The following RAB11FIP4 variants were observed in gnomAD, a reference collection of about 807,000 sequenced individuals.
The protein encoded by RAB11FIP4 is rab11 family-interacting protein 4.
In RAB11FIP4, 23 loss-of-function variants were observed where a neutral mutation model predicts 74.3. The ratio of observed to expected loss-of-function variants is 0.31; its 90% confidence interval spans 0.22 to 0.44. The LOEUF (loss-of-function observed/expected upper bound fraction) is 0.44, where lower values mean the gene tolerates loss of function less well. RAB11FIP4 is among the 20% of genes least tolerant of loss of function. The pLI, the probability that RAB11FIP4 is intolerant of heterozygous loss-of-function variation, is 1.00. For synonymous variants in RAB11FIP4, 360 were observed against 359.9 expected, an observed-to-expected ratio of 1.00 and a Z score of 0.00; for missense variants, 630 against 863.9, an observed-to-expected ratio of 0.73 and a Z score of 3.39.
intron 3 of RAB11FIP4, chr17:31,488,466 TC>T: frequency 1.8e-6 from 1 of 548,320 alleles, no homozygotes; most frequent in Non-Finnish European, 2.4e-6. Flanking sequence ...CCAGCGCAGT[TC>T]CAGGAAGTGC....
At position 31,503,268 on chromosome 17, in the gene RAB11FIP4, A is replaced by G. The variant is rs947419357; in HGVS notation, c.337-14383A>G. Among the ~76,000 whole-genome samples the G allele has an allele frequency of 4.5e-4, 67 of 148,652 alleles. 7 individuals carry two copies. Among genetic ancestry groups the G allele is most frequent in the African/African-American group, 1.7e-3 (64 of 38,136 alleles). ...GGCTAGTCTCGAACTCCTGACCTCA[A>G]GTGATCCACCCACCTCGACCTCCCA... On this transcript the variant is annotated intron_variant, in intron 3 of 14. Transcript: ENST00000621161.
chr17:31,460,711 G>C (rs1376504520), intron 3 of RAB11FIP4, among the ~76,000 whole-genome samples: 1 of 152,082 alleles, frequency 6.6e-6, no homozygotes, highest in Non-Finnish European at 1.5e-5. Context: ...ACACAAAGTT[G>C]AGTGGGTGTA....
intron 3 of RAB11FIP4, among the ~76,000 whole-genome samples, chr17:31,483,658 C>T (rs1042273862): frequency 2.6e-5 from 4 of 152,120 alleles, no homozygotes; most frequent in Admixed American, 2.6e-4. Context: ...ACTTGCCAGA[C>T]TTTTTGTTTT....
intron 1 of RAB11FIP4, among the ~76,000 whole-genome samples, chr17:31,422,380 A>C (rs1329222463): frequency 1.3e-5 from 2 of 152,324 alleles, no homozygotes; most frequent in East Asian, 3.9e-4. Flanking sequence ...TTTTTCATCT[A>C]ACTAGCTCTA....
At chr17:31,432,105 C>A (rs1382753194) in intron 2 of RAB11FIP4, among the ~76,000 whole-genome samples, 1 of 152,190 alleles carries the variant, frequency 6.6e-6, no homozygotes, top group African/African-American at 2.4e-5. Flanking sequence ...TGTGGTCTCA[C>A]CCATGGAAGT....
At chr17:31,440,224 C>T (rs1360291651) in intron 3 of RAB11FIP4, among the ~76,000 whole-genome samples, 1 of 152,174 alleles carries the variant, frequency 6.6e-6, no homozygotes, top group Admixed American at 6.5e-5. Context: ...AGAGATCTGG[C>T]ACTCTTACTT....
At chr17:31,488,976 G>A (rs1281772083) in intron 3 of RAB11FIP4, among the ~76,000 whole-genome samples, 1 of 152,186 alleles carries the variant, frequency 6.6e-6, no homozygotes, top group Non-Finnish European at 1.5e-5. Flanking sequence ...CCTACTCCTC[G>A]CCCATGCAAA....
chr17:31,498,291 C>T (rs952075797), intron 3 of RAB11FIP4, among the ~76,000 whole-genome samples: 3 of 152,172 alleles, frequency 2.0e-5, no homozygotes, highest in African/African-American at 7.2e-5. Flanking sequence ...TGAGTGACAC[C>T]CCCCAACCCC....
chr17:31,537,318 C>T lies in RAB11FIP4; in HGVS notation c.*5586C>T, dbSNP rs545706258. ...GTCCACAAGGATCAGGCCCCACTTACCCTTGGCTCGCTCAGCCTGTAGACT... is the reference window on the plus strand; with the variant it reads ...GTCCACAAGGATCAGGCCCCACTTATCCTTGGCTCGCTCAGCCTGTAGACT... On this transcript the variant is annotated 3_prime_UTR_variant, in exon 15 of 15. Coordinates refer to ENST00000621161, the MANE Select transcript of RAB11FIP4 (RefSeq NM_032932.6). 7.5e-6 allele frequency: 3 copies of T among 398,204 alleles called. No individual in the cohort carries two copies. The highest frequency in any genetic ancestry group is 4.1e-5 in the African/African-American group (2 of 48,622). 24.7% of individuals were successfully genotyped at this position (398,204 alleles called of 1,614,324 possible). A position where few individuals can be genotyped will look rare whatever the true frequency, so the allele number is the denominator to read the frequency against.
Position 31,521,924 on chromosome 17 carries a change from G to A in RAB11FIP4, c.768G>A (p.Gln256=), listed in dbSNP as rs376245905. Residue 256 remains glutamine (Q), a synonymous_variant, in exon 6 of 15, where the codon CAG becomes CAA. Transcript: ENST00000621161. Reference sequence around the variant, plus strand: ...TTCCCTCATGAATCAGTGCGGGGCAGACGCCTAGGAAAATGCGGCACGTGT... The same window carrying A: ...TTCCCTCATGAATCAGTGCGGGGCAAACGCCTAGGAAAATGCGGCACGTGT... ...LGSSVSSSAG[Q]TPRKMRHVYN... 23 of 1,614,088 alleles carry A rather than the reference G, an allele frequency of 1.4e-5. No homozygotes were observed. Among genetic ancestry groups the A allele is most frequent in the Non-Finnish European group, 1.7e-5 (20 of 1,180,048 alleles).
At chr17:31,508,343 C>T (rs996981556) in intron 3 of RAB11FIP4, among the ~76,000 whole-genome samples, 18 of 152,284 alleles carry the variant, frequency 1.2e-4, no homozygotes, top group African/African-American at 4.1e-4. Context: ...AACTTGAGTC[C>T]ACTCATGCTC....
chr17:31,439,371 C>T (rs2071388091), intron 3 of RAB11FIP4, among the ~76,000 whole-genome samples: 2 of 152,240 alleles, frequency 1.3e-5, no homozygotes. Context: ...CCTTCGCCAA[C>T]CCCGGAAGCC....
chr17:31,485,244 T>A (rs1416182102), intron 3 of RAB11FIP4, among the ~76,000 whole-genome samples: 1 of 152,228 alleles, frequency 6.6e-6, no homozygotes, highest in Non-Finnish European at 1.5e-5. Context: ...GTTCAATGCA[T>A]CTGTGGCCTT....
intron 3 of RAB11FIP4, among the ~76,000 whole-genome samples, chr17:31,445,554 ATATATATATATATATATATATATATT>A (rs2071447391): frequency 1.3e-3 from 50 of 37,432 alleles, no homozygotes; most frequent in South Asian, 3.4e-3. Context: ...ATATATATAT[ATATATATATATATATATATATATATT>A]TTTTTTTTTT....
rs1372755875 is a variant in RAB11FIP4, at chr17:31,521,965, T to A, written c.809T>A (p.Leu270Gln). The stretch of plus-strand genomic sequence containing the variant: ...CGGCACGTGTACAACAGCGAATTGC[T>A]AGATGTTTACTGCTCTCAATGCTGC... The part of the protein sequence containing the change: ...KMRHVYNSEL[L>Q]DVYCSQCCKK... Residue 270 changes from leucine (L) to glutamine (Q), a missense_variant, in exon 6 of 15, where the codon CTA becomes CAA. Coordinates refer to ENST00000621161, the MANE Select transcript of RAB11FIP4 (RefSeq NM_032932.6). 1 of 1,614,190 alleles carries A rather than the reference T, an allele frequency of 6.2e-7. No individual in the cohort carries two copies. Among genetic ancestry groups the A allele is most frequent in the East Asian group, 2.2e-5 (1 of 44,886 alleles).
chr17:31,517,830 T>G lies in RAB11FIP4; in HGVS notation c.516T>G (p.Pro172=). The G allele has an allele frequency of 1.3e-6, 2 of 1,552,062 alleles. No homozygotes were observed. Reference sequence around the variant, plus strand: ...GCCTGGAGGGGTCTGTCGGGAGTCCTGCCGAGAAGGACGGGGGACTTGGGG... The same window carrying G: ...GCCTGGAGGGGTCTGTCGGGAGTCCGGCCGAGAAGGACGGGGGACTTGGGG... ...TQSLEGSVGS[P]AEKDGGLGGL... is the part of the protein sequence containing the mutation. Residue 172 remains proline (P), a synonymous_variant, in exon 4 of 15, where the codon CCT becomes CCG. Coordinates refer to ENST00000621161, the MANE Select transcript of RAB11FIP4 (RefSeq NM_032932.6).
chr17:31,408,282 A>G (rs2071061341), intron 1 of RAB11FIP4, among the ~76,000 whole-genome samples: 1 of 152,234 alleles, frequency 6.6e-6, no homozygotes, highest in Non-Finnish European at 1.5e-5. Context: ...CACATTTTTC[A>G]GGGTCTGTAA....
At chr17:31,483,047 G>T (rs1250389824) in intron 3 of RAB11FIP4, among the ~76,000 whole-genome samples, 1 of 151,928 alleles carries the variant, frequency 6.6e-6, no homozygotes, top group Non-Finnish European at 1.5e-5. Context: ...ACAAAAATTA[G>T]CCAGGCGTGG....
chr17:31,521,952 A>G lies in RAB11FIP4; in HGVS notation c.796A>G (p.Asn266Asp). The G allele has an allele frequency of 6.2e-7, 1 of 1,614,220 alleles. No individual in the cohort carries two copies. Reference protein sequence around the residue: ...QTPRKMRHVYNSELLDVYCSQ... With the variant: ...QTPRKMRHVYDSELLDVYCSQ... ...GCCTAGGAAAATGCGGCACGTGTAC[A>G]ACAGCGAATTGCTAGATGTTTACTG... is the stretch of plus-strand genomic sequence containing the variant. Residue 266 changes from asparagine to aspartate, a missense_variant, in exon 6 of 15, where the codon AAC (asparagine) becomes GAC (aspartate). Physicochemically the swap from Asn to Asp is conservative, Grantham distance 23. Coordinates refer to ENST00000621161, the MANE Select transcript of RAB11FIP4 (RefSeq NM_032932.6).
Sources: allele counts gnomAD v4.1 joint callset (sites outside exome capture counted in the v4.1 genomes callset), GRCh38; gene constraint gnomAD v4.1.1; transcripts MANE v1.5; gene names NCBI Gene and HGNC (gene_info 2026-07-23, HGNC 2026-07-21).